SREBF2: variants seen among roughly 807,000 people sequenced by gnomAD.
SREBF2 encodes sterol regulatory element binding transcription factor 2.
In SREBF2, 55 loss-of-function variants were observed where a neutral mutation model predicts 113.1. The observed-to-expected ratio is 0.49, with a 90% confidence interval of 0.39 to 0.61. SREBF2 has a LOEUF of 0.61. SREBF2 is among the 20% of genes least tolerant of loss of function. The pLI is 0.00. For synonymous variants in SREBF2, 593 were observed against 605.7 expected, an observed-to-expected ratio of 0.98 and a Z score of 0.31; for missense variants, 1,349 against 1,487.4, an observed-to-expected ratio of 0.91 and a Z score of 1.53.
chr22:41,884,805 C>T, intron 10 of SREBF2, 37 bp from the exon 11 acceptor site: 2 of 1,613,390 alleles, frequency 1.2e-6, no homozygotes, highest in Non-Finnish European at 1.7e-6. Context: ...GGTTTTGGGG[C>T]TCCATCAACA....
intron 9 of SREBF2, among the ~76,000 whole-genome samples, chr22:41,879,062 G>C (rs181288381): frequency 1.3e-5 from 2 of 152,134 alleles, no homozygotes; most frequent in African/African-American, 2.4e-5. Flanking sequence ...AGGTCTCACT[G>C]TGTTGCCTGG....
At chr22:41,855,806 G>T (rs719440) in intron 1 of SREBF2, among the ~76,000 whole-genome samples, 59,028 of 149,544 alleles carry the variant, frequency 0.39, 13,198 homozygotes, top group Non-Finnish European at 0.51. Context: ...TTCCAGGCTT[G>T]AGTACAGTGG....
chr22:41,903,906 C>T (rs2077484499), intron 17 of SREBF2, among the ~76,000 whole-genome samples: 1 of 152,176 alleles, frequency 6.6e-6, no homozygotes, highest in African/African-American at 2.4e-5. Flanking sequence ...CCAAGACAGA[C>T]ACAACAGACA....
At chr22:41,870,181 A>T (rs999402030) in intron 3 of SREBF2, among the ~76,000 whole-genome samples, 7 of 152,150 alleles carry the variant, frequency 4.6e-5, no homozygotes, top group East Asian at 3.9e-4. Context: ...AATTTATCTT[A>T]AAAAAATCAG....
chr22:41,905,644 C>A lies in SREBF2; in HGVS notation c.3410C>A (p.Ala1137Asp). Reference protein sequence around the residue: ...QMIVKLGGGTAIAAS With the variant: ...QMIVKLGGGTDIAAS ...ATTGTTAAGCTGGGTGGTGGCACTG[C>A]CATTGCCGCCTCCTGACCACCAGGC... Residue 1137 changes from alanine to aspartate, a missense_variant, in exon 19 of 19, where the codon GCC becomes GAC. By Grantham distance (126) the Ala-to-Asp change is moderately radical. This residue lies in a region of SREBF2 where 650 missense variants were observed against 644.1 expected (regional missense o/e 1.01). Coordinates refer to ENST00000361204, the MANE Select transcript of SREBF2 (RefSeq NM_004599.4). 6.3e-7 allele frequency: 1 copy of A among 1,585,902 alleles called. No homozygotes were observed. The highest frequency in any genetic ancestry group is 1.8e-5 in the Admixed American group (1 of 56,130).
rs1327822928 is a variant in SREBF2, at chr22:41,867,050, C to T, written c.308C>T (p.Ser103Leu). The part of the protein sequence containing the change: ...TQVTLPSFSP[S>L]AASPQAPTLQ... ...GTCACATTACCTTCCTTCTCTCCCT[C>T]GGCGGCCTCCCCACAGGCTCCAACT... Residue 103 changes from serine to leucine, a missense_variant, in exon 2 of 19, where the codon TCG (serine) becomes TTG (leucine). This residue lies in a region of SREBF2 where 699 missense variants were observed against 843.3 expected (regional missense o/e 0.83). Coordinates refer to ENST00000361204, the MANE Select transcript of SREBF2 (RefSeq NM_004599.4). The T allele has an allele frequency of 3.1e-6, 5 of 1,614,060 alleles. No homozygotes were observed. Among genetic ancestry groups the T allele is most frequent in the Non-Finnish European group, 4.2e-6 (5 of 1,180,052 alleles).
At chr22:41,865,199 T>TGGA (rs766006225) in intron 1 of SREBF2, among the ~76,000 whole-genome samples, 1 of 151,436 alleles carries the variant, frequency 6.6e-6, no homozygotes, top group Non-Finnish European at 1.5e-5. Flanking sequence ...GACATCTTGG[T>TGGA]GGAGGTTTGG....
chr22:41,852,037 T>C (rs1602280287), intron 1 of SREBF2, among the ~76,000 whole-genome samples: 1 of 151,628 alleles, frequency 6.6e-6, no homozygotes, highest in South Asian at 2.1e-4. Context: ...AGGAGAATGG[T>C]GTGAACCCGG....
At chr22:41,854,130 T>C (rs964224147) in intron 1 of SREBF2, among the ~76,000 whole-genome samples, 1 of 151,858 alleles carries the variant, frequency 6.6e-6, no homozygotes, top group Non-Finnish European at 1.5e-5. Context: ...TGCCAGTTTT[T>C]TTGTTGTTGT....
At chr22:41,847,483 C>G (rs1042703055) in intron 1 of SREBF2, among the ~76,000 whole-genome samples, 2 of 152,224 alleles carry the variant, frequency 1.3e-5, no homozygotes, top group Admixed American at 6.5e-5. Context: ...ACATCCTTCT[C>G]TGTCTGAGCT....
intron 4 of SREBF2, among the ~76,000 whole-genome samples, chr22:41,871,548 T>C: frequency 6.6e-6 from 1 of 151,996 alleles, no homozygotes; most frequent in Non-Finnish European, 1.5e-5. Flanking sequence ...CACAGGAAAA[T>C]AAGCACATTG....
At chr22:41,841,287 G>T (rs2076828547) in intron 1 of SREBF2, among the ~76,000 whole-genome samples, 1 of 152,220 alleles carries the variant, frequency 6.6e-6, no homozygotes, top group African/African-American at 2.4e-5. Flanking sequence ...CCTTTTTAAA[G>T]ACATAAGGTA....
At chr22:41,873,225 G>A (rs926800751) in intron 4 of SREBF2, among the ~76,000 whole-genome samples, 2 of 151,908 alleles carry the variant, frequency 1.3e-5, no homozygotes. Flanking sequence ...ATAAAATAAA[G>A]TTAGAAAAAA....
At chr22:41,853,258 A>G (rs1213101917) in intron 1 of SREBF2, among the ~76,000 whole-genome samples, 1 of 152,150 alleles carries the variant, frequency 6.6e-6, no homozygotes, top group Non-Finnish European at 1.5e-5. Context: ...TTGGCCCCTA[A>G]CAACTTGCCC....
At position 41,868,748 on chromosome 22, in the gene SREBF2, G is replaced by C. The variant is rs201154921; in HGVS notation, c.676G>C (p.Ala226Pro). Residue 226 changes from alanine to proline, a missense_variant, in exon 3 of 19, where the codon GCT (alanine) becomes CCT (proline). Ala to Pro is a conservative substitution (Grantham distance 27, BLOSUM62 -1). Around this residue, in one of 2 missense-constraint regions of SREBF2, gnomAD observed 699 missense variants for 843.3 expected, o/e 0.83. Transcript: ENST00000361204. The part of the protein sequence containing the change: ...ANGTLQTLAP[A>P]TVQTVAAPQV... ...TGGCACGCTGCAGACCCTTGCCCCG[G>C]CTACGGTGCAGACAGTTGCTGCGCC... The C allele has an allele frequency of 3.1e-6, 5 of 1,613,874 alleles. No individual in the cohort carries two copies. In the African/African-American group the frequency reaches 6.7e-5, roughly 22 times the overall value.
chr22:41,890,111 C>G (rs987482957), intron 11 of SREBF2, among the ~76,000 whole-genome samples: 3 of 152,156 alleles, frequency 2.0e-5, no homozygotes, highest in Non-Finnish European at 4.4e-5. Flanking sequence ...CAGCCTCACT[C>G]TGTTGCCCAG....
intron 1 of SREBF2, among the ~76,000 whole-genome samples, chr22:41,850,815 A>G (rs915145760): frequency 6.6e-6 from 1 of 152,090 alleles, no homozygotes; most frequent in Non-Finnish European, 1.5e-5. Flanking sequence ...ATCTTGGCTC[A>G]CTGCAACCTC....
chr22:41,905,554 C>T lies in SREBF2; in HGVS notation c.3320C>T (p.Ala1107Val). Reference protein sequence around the residue: ...SSPGQRAVLLAEAARTLEKVG... With the variant: ...SSPGQRAVLLVEAARTLEKVG... ...CCGGGCCAGCGGGCAGTGCTGCTGG[C>T]CGAAGCTGCCCGCACCCTGGAGAAG... The change falls in exon 19 of 19, where the codon GCC becomes GTC. Residue 1107 changes from alanine to valine, a missense_variant. Ala to Val is a moderately conservative substitution (Grantham distance 64). Coordinates refer to ENST00000361204, the MANE Select transcript of SREBF2 (RefSeq NM_004599.4). 2 of 1,591,588 alleles carry T rather than the reference C, an allele frequency of 1.3e-6. No homozygotes were observed. The highest frequency in any genetic ancestry group is 2.7e-5 in the African/African-American group (2 of 74,622).
At chr22:41,901,076 C>A (rs2077461902) in intron 16 of SREBF2, 1 of 452,794 alleles carries the variant, frequency 2.2e-6, no homozygotes. Context: ...GGAGGGGATC[C>A]TGATAGAGGG....
Sources: allele counts gnomAD v4.1 joint callset (sites outside exome capture counted in the v4.1 genomes callset), GRCh38; gene constraint gnomAD v4.1.1; regional missense constraint gnomAD v4.1.1; transcripts MANE v1.5; gene names NCBI Gene and HGNC (gene_info 2026-07-23, HGNC 2026-07-21).